Variants in RARB observed in about 807,000 individuals in gnomAD.
RARB encodes the protein HBV-activated protein.
A neutral mutation model predicts 51.9 loss-of-function variants in RARB; 17 were observed. The ratio of observed to expected loss-of-function variants is 0.33; its 90% CI spans 0.22 to 0.49. The LOEUF is 0.49. Among genes scored for constraint, RARB ranks in the 20% least tolerant of loss-of-function variants. The pLI is 0.99. For missense variants in RARB, 369 were observed against 550.8 expected, an observed-to-expected ratio of 0.67 and a Z score of 3.30; for synonymous variants, 215 against 195.4, an observed-to-expected ratio of 1.10 and a Z score of -0.84.
At chr3:25,571,095 A>C (rs1296109) in intron 4 of RARB, among the ~76,000 whole-genome samples, 83,295 of 151,822 alleles carry the variant, frequency 0.55, 25,916 homozygotes, top group African/African-American at 0.87. Context: ...GGCCAGCACA[A>C]ACCTAGGTGG....
intron 3 of RARB, among the ~76,000 whole-genome samples, chr3:25,125,586 TA>T (rs1448988981): frequency 5.3e-5 from 8 of 152,158 alleles, no homozygotes; most frequent in Non-Finnish European, 1.0e-4. Context: ...TTCAGATATT[TA>T]AAAACAAGGG....
At chr3:25,168,069 T>C (rs1462670107) in intron 4 of RARB, among the ~76,000 whole-genome samples, 1 of 152,208 alleles carries the variant, frequency 6.6e-6, no homozygotes, top group African/African-American at 2.4e-5. Flanking sequence ...CTCTTTATAA[T>C]ATGAATGGAC....
intron 4 of RARB, among the ~76,000 whole-genome samples, chr3:25,572,465 G>C (rs1380540296): frequency 6.6e-6 from 1 of 152,122 alleles, no homozygotes; most frequent in Non-Finnish European, 1.5e-5. Flanking sequence ...AGAAAGGCTC[G>C]ATAACTTTCC....
intron 2 of RARB, among the ~76,000 whole-genome samples, chr3:25,016,503 A>T (rs946210231): frequency 6.6e-6 from 1 of 152,166 alleles, no homozygotes; most frequent in African/African-American, 2.4e-5. Flanking sequence ...GGGAGAGGGG[A>T]ATCATCCAAT....
chr3:25,279,840 C>T (rs971650030), intron 5 of RARB, among the ~76,000 whole-genome samples: 2 of 152,030 alleles, frequency 1.3e-5, no homozygotes, highest in Non-Finnish European at 2.9e-5. Context: ...TTATATTATA[C>T]ATCCTGTGTC....
chr3:25,146,619 T>G (rs989620713), intron 4 of RARB, among the ~76,000 whole-genome samples: 1 of 151,440 alleles, frequency 6.6e-6, no homozygotes, highest in African/African-American at 2.4e-5. Context: ...GCCATTCTCC[T>G]GCCTCAGCCT....
intron 2 of RARB, among the ~76,000 whole-genome samples, chr3:24,903,700 G>A (rs931848515): frequency 2.0e-5 from 3 of 152,022 alleles, no homozygotes; most frequent in Admixed American, 6.6e-5. Flanking sequence ...ATGTTCAAGT[G>A]GAAAGAATCA....
At chr3:25,339,256 G>A (rs1288565581) in intron 5 of RARB, among the ~76,000 whole-genome samples, 1 of 152,148 alleles carries the variant, frequency 6.6e-6, no homozygotes, top group Non-Finnish European at 1.5e-5. Context: ...AGTTTGGCCT[G>A]AAGGTTTCTC....
At chr3:25,332,839 A>T (rs1417367192) in intron 5 of RARB, among the ~76,000 whole-genome samples, 1 of 152,226 alleles carries the variant, frequency 6.6e-6, no homozygotes, top group African/African-American at 2.4e-5. Flanking sequence ...CTCAGGATAC[A>T]AAATCAACGT....
intron 4 of RARB, among the ~76,000 whole-genome samples, chr3:25,139,357 G>T (rs1700076800): frequency 6.6e-6 from 1 of 152,194 alleles, no homozygotes. Flanking sequence ...AATTAAAAGT[G>T]CTACTCCAGT....
At chr3:24,965,054 A>G (rs984748198) in intron 2 of RARB, among the ~76,000 whole-genome samples, 1 of 152,172 alleles carries the variant, frequency 6.6e-6, no homozygotes, top group African/African-American at 2.4e-5. Context: ...AGATTTACAG[A>G]AACAATAGCC....
At chr3:25,521,791 C>T (rs986588000) in intron 3 of RARB, among the ~76,000 whole-genome samples, 1 of 152,256 alleles carries the variant, frequency 6.6e-6, no homozygotes, top group South Asian at 2.1e-4. Context: ...TTCCAGACAT[C>T]ACACAATCTG....
intron 2 of RARB, among the ~76,000 whole-genome samples, chr3:25,005,631 C>A (rs191636468): frequency 6.6e-6 from 1 of 152,136 alleles, no homozygotes; most frequent in Admixed American, 6.6e-5. Flanking sequence ...AGCCACAAAC[C>A]GTCATCTCCA....
chr3:25,161,873 A>T (rs1297040978), intron 4 of RARB, among the ~76,000 whole-genome samples: 1 of 152,204 alleles, frequency 6.6e-6, no homozygotes, highest in Non-Finnish European at 1.5e-5. Flanking sequence ...TAACCCTGGC[A>T]GAGCCCCCTG....
At chr3:25,528,300 G>C (rs1698743052) in intron 3 of RARB, among the ~76,000 whole-genome samples, 1 of 152,200 alleles carries the variant, frequency 6.6e-6, no homozygotes, top group South Asian at 2.1e-4. Context: ...AAGAGACTGA[G>C]ACAGGAAGAT....
intron 2 of RARB, among the ~76,000 whole-genome samples, chr3:25,013,793 T>A (rs538752880): frequency 9.2e-5 from 14 of 152,124 alleles, no homozygotes; most frequent in Non-Finnish European, 1.9e-4. Flanking sequence ...TAGACTGGAC[T>A]AGTTTCTTCT....
chr3:25,069,126 T>A lies in RARB; in HGVS notation c.-328+8950T>A, dbSNP rs561655761. ...TCAGACAAATCTTTTCTCTGATAGC[T>A]ATGCAAAGAGAAGGGTAAGGAAGAA... On this transcript the variant is annotated intron_variant, in intron 3 of 11. Transcript: ENST00000383772. 5.3e-5 allele frequency among the ~76,000 whole-genome samples: 8 copies of A among 151,884 alleles called. No individual in the cohort carries two copies. In the South Asian group the frequency reaches 1.3e-3, roughly 24 times the overall value.
intron 3 of RARB, among the ~76,000 whole-genome samples, chr3:25,520,521 A>G (rs1023130627): frequency 1.3e-5 from 2 of 152,238 alleles, no homozygotes; most frequent in Non-Finnish European, 2.9e-5. Context: ...TTAAAAGCAC[A>G]TATAGATGAG....
chr3:24,863,314 AGAG>A (rs141950789), intron 2 of RARB, among the ~76,000 whole-genome samples: 8 of 152,342 alleles, frequency 5.3e-5, no homozygotes, highest in Non-Finnish European at 1.0e-4. Context: ...GTTTATAACC[AGAG>A]GAATTCATGT....
Sources: allele counts gnomAD v4.1 joint callset (sites outside exome capture counted in the v4.1 genomes callset), GRCh38; gene constraint gnomAD v4.1.1; transcripts MANE v1.5; gene names NCBI Gene and HGNC (gene_info 2026-07-23, HGNC 2026-07-21).